The following ARL5B variants were observed in gnomAD, a reference collection of about 807,000 sequenced individuals.
ARL5B encodes ARF like GTPase 5B, also known as ADP-ribosylation factor-like protein 5B.
ARL5B carries 10 observed loss-of-function variants against 26.9 expected under a neutral mutation model. The observed-to-expected ratio is 0.37, with a 90% CI of 0.23 to 0.63. ARL5B has a LOEUF of 0.63. Among genes scored for constraint, ARL5B ranks in the 30% least tolerant of loss-of-function variants. The probability of loss-of-function intolerance (pLI) is 0.62; values close to 1 mark genes in which losing one functional copy is unlikely to be tolerated. For missense variants in ARL5B, 167 were observed against 213.9 expected (o/e 0.78, Z 1.37); for synonymous variants, 87 against 70.4 (o/e 1.24, Z -1.18).
chr10:18,668,587 A>T lies in ARL5B; in HGVS notation c.165A>T (p.Ile55=). The T allele has an allele frequency of 6.2e-7, 1 of 1,614,136 alleles. No individual in the cohort carries two copies. The highest frequency in any genetic ancestry group is 1.3e-5 in the African/African-American group (1 of 75,040). Residue 55 remains isoleucine (I), a synonymous_variant, in exon 3 of 6, where the codon ATA becomes ATT. Transcript: ENST00000377275. Reference sequence around the variant, plus strand: ...CCATAGGAAGCAATGTTGAAGAAATAGTTGTGAAGAACACTCATTTTCTTA... The same window carrying T: ...CCATAGGAAGCAATGTTGAAGAAATTGTTGTGAAGAACACTCATTTTCTTA... ...SPTIGSNVEE[I]VVKNTHFLMW...
chr10:18,662,557 A>G (rs75899367), intron 1 of ARL5B, among the ~76,000 whole-genome samples: 19,464 of 152,196 alleles, frequency 0.13, 1,560 homozygotes, highest in Middle Eastern at 0.23. Context: ...TGTGAAATAC[A>G]TATGTGTTAT....
At chr10:18,669,329 C>G (rs1357697165) in intron 3 of ARL5B, among the ~76,000 whole-genome samples, 1 of 152,010 alleles carries the variant, frequency 6.6e-6, no homozygotes, top group Non-Finnish European at 1.5e-5. Context: ...CCCAAGATCT[C>G]ACAACTTTCT....
chr10:18,660,912 A>G (rs1177998345), intron 1 of ARL5B, among the ~76,000 whole-genome samples: 1 of 152,136 alleles, frequency 6.6e-6, no homozygotes, highest in East Asian at 1.9e-4. Context: ...CAGTGGCGCA[A>G]TCTCAGCTCA....
rs779357362 is a variant in ARL5B at position 18,681,625 on chromosome 10, ATTAC to A, written c.*6412_*6415del. 5.9e-5 allele frequency: 9 copies of A among 152,186 alleles called. No homozygotes were observed. The highest frequency in any genetic ancestry group is 1.2e-4 in the Non-Finnish European group (8 of 68,032). The allele number at this position is 152,186 out of a possible 1,614,324, so 9.4% of individuals were successfully genotyped here. On this transcript the variant is annotated 3_prime_UTR_variant, in exon 6 of 6. Coordinates refer to ENST00000377275, the MANE Select transcript of ARL5B (RefSeq NM_178815.5). ...AGTTTTATTTTTGTCATAATAAATA[ATTAC>A]TTTTCCAATACGAAGTGAATCCAGT...
At chr10:18,659,993 C>G (rs2059821831) in intron 1 of ARL5B, 5 of 956,706 alleles carry the variant, frequency 5.2e-6, no homozygotes, top group Non-Finnish European at 6.2e-6. Context: ...GGGCCTTTCT[C>G]GTCTTTATTG....
chr10:18,671,233 C>T (rs1482954626), intron 3 of ARL5B, among the ~76,000 whole-genome samples: 4 of 151,606 alleles, frequency 2.6e-5, no homozygotes, highest in African/African-American at 7.3e-5. Context: ...AGTCTGTCAC[C>T]CAGGCTGGAG....
At chr10:18,672,117 A>T (rs2059890404) in intron 3 of ARL5B, among the ~76,000 whole-genome samples, 1 of 152,138 alleles carries the variant, frequency 6.6e-6, no homozygotes, top group African/African-American at 2.4e-5. Context: ...TTTATGGTGG[A>T]TACTGTTTTA....
At chr10:18,673,773 A>G (rs552234347) in intron 4 of ARL5B, among the ~76,000 whole-genome samples, 164 of 150,052 alleles carry the variant, frequency 1.1e-3, no homozygotes, top group African/African-American at 3.9e-3. Flanking sequence ...TTTTTTTTTC[A>G]GTTTGACCAG....
chr10:18,667,712 TATACAC>T, intron 2 of ARL5B, among the ~76,000 whole-genome samples: 1 of 151,694 alleles, frequency 6.6e-6, no homozygotes, highest in East Asian at 1.9e-4. Context: ...TATATATATA[TATACAC>T]ACACACACAA....
chr10:18,675,222 T>C lies in ARL5B; in HGVS notation c.*6T>C, dbSNP rs2059905346. The C allele has an allele frequency of 6.2e-7, 1 of 1,613,030 alleles. No individual in the cohort carries two copies. Among genetic ancestry groups the C allele is most frequent in the South Asian group, 1.1e-5 (1 of 91,064 alleles). On this transcript the variant is annotated 3_prime_UTR_variant, in exon 6 of 6. Transcript: ENST00000377275. ...CCCGGATTGGTGTGAGATAACTTTT[T>C]TGCTTGAAAGAGACTGCTCTATTTA...
chr10:18,675,788 A>G lies in ARL5B; in HGVS notation c.*572A>G, dbSNP rs568434246. 12 of 152,180 alleles carry G rather than the reference A, an allele frequency of 7.9e-5. No individual in the cohort carries two copies. Among genetic ancestry groups the G allele is most frequent in the African/African-American group, 2.4e-4 (10 of 41,542 alleles). The allele number at this position is 152,180 out of a possible 1,614,324, so 9.4% of individuals were successfully genotyped here. A position where few individuals can be genotyped will look rare whatever the true frequency, so the allele number is the denominator to read the frequency against. On this transcript the variant is annotated 3_prime_UTR_variant, in exon 6 of 6. Coordinates refer to ENST00000377275, the MANE Select transcript of ARL5B (RefSeq NM_178815.5). Reference sequence around the variant, plus strand: ...TACTTGCCTTTTAACTTTCCCCCACATTACTGTTGAGTCATGGAATAATGT... The same window carrying G: ...TACTTGCCTTTTAACTTTCCCCCACGTTACTGTTGAGTCATGGAATAATGT...
rs554212358 is a variant in ARL5B at position 18,664,383 on chromosome 10, G to A, written c.47-2192G>A. On this transcript the variant is annotated intron_variant, in intron 1 of 5. Coordinates refer to ENST00000377275, the MANE Select transcript of ARL5B (RefSeq NM_178815.5). ...ATTACAGGTGTGAGTCATTGCACCT[G>A]GCCTAAAACATTCTGATTTACTGTA... is the stretch of plus-strand genomic sequence containing the variant. Among the ~76,000 whole-genome samples, 10 of 150,676 alleles carry A rather than the reference G, an allele frequency of 6.6e-5. No homozygotes were observed. The East Asian group carries it at 2.0e-3, about 29-fold the overall frequency.
intron 3 of ARL5B, among the ~76,000 whole-genome samples, chr10:18,672,340 C>G (rs2059891690): frequency 6.6e-6 from 1 of 152,062 alleles, no homozygotes; most frequent in Non-Finnish European, 1.5e-5. Context: ...CATTTGAAAA[C>G]AAATCATAGT....
intron 5 of ARL5B, among the ~76,000 whole-genome samples, chr10:18,674,338 TATA>T (rs2059901226): frequency 6.6e-6 from 1 of 152,354 alleles, no homozygotes; most frequent in Non-Finnish European, 1.5e-5. Flanking sequence ...TTAATGTAAA[TATA>T]ATGTTTTACC....
Position 18,674,109 on chromosome 10 carries a change from A to T in ARL5B, c.465A>T (p.Gln155His). 1.9e-6 allele frequency: 3 copies of T among 1,611,908 alleles called. No individual in the cohort carries two copies. Residue 155 changes from glutamine (Q) to histidine (H), a missense_variant, in exon 5 of 6, where the codon CAA becomes CAT. Transcript: ENST00000377275. ...TTAAGGATCATCCATGGCACATTCA[A>T]TCCTGCTGTGCTCTCACAGGAGAAG... ...SSIKDHPWHI[Q>H]SCCALTGEGL...
intron 1 of ARL5B, among the ~76,000 whole-genome samples, chr10:18,660,509 T>C (rs1415823937): frequency 6.6e-6 from 1 of 152,248 alleles, no homozygotes; most frequent in Non-Finnish European, 1.5e-5. Context: ...TCAACTCGTT[T>C]CATTTTACAT....
intron 1 of ARL5B, among the ~76,000 whole-genome samples, chr10:18,663,500 A>T (rs2059846047): frequency 6.8e-6 from 1 of 146,892 alleles, no homozygotes; most frequent in Middle Eastern, 3.4e-3. Context: ...GACTGCTCAG[A>T]TCTCAGATCT....
intron 4 of ARL5B, 81 bp downstream of exon 4, chr10:18,672,786 GTGATA>G (rs891583978): frequency 8.3e-6 from 7 of 839,044 alleles, no homozygotes; most frequent in Middle Eastern, 5.0e-4. Flanking sequence ...AAAGATTAAT[GTGATA>G]TGATGTTGGC....
intron 5 of ARL5B, among the ~76,000 whole-genome samples, chr10:18,674,368 TTGAATTGAGTTTTCATAA>T (rs1464578457): frequency 6.6e-6 from 1 of 152,228 alleles, no homozygotes; most frequent in Non-Finnish European, 1.5e-5. Flanking sequence ...CAATAAACTA[TTGAATTGAGTTTTCATAA>T]TCCAAATTTT....
Sources: gnomAD v4.1 joint callset for allele counts (sites outside exome capture counted in the v4.1 genomes callset) on GRCh38, gnomAD v4.1.1 for gene constraint, MANE v1.5 for transcripts, NCBI Gene and HGNC (gene_info 2026-07-23, HGNC 2026-07-21) for gene names.